The following DYM variants were observed in gnomAD, a reference collection of about 807,000 sequenced individuals.
DYM encodes dyggve-Melchior-Clausen syndrome protein.
A neutral mutation model predicts 93.1 loss-of-function variants in DYM; 78 were observed. That is an observed-to-expected ratio of 0.84 (90% CI 0.70 to 1.01). DYM has a LOEUF of 1.01. Among genes scored for constraint, DYM ranks in the 50% least tolerant of loss-of-function variants. DYM has a pLI of 0.00. For synonymous variants in DYM, 321 were observed against 319.7 expected, an observed-to-expected ratio of 1.00 and a Z score of -0.04; for missense variants, 789 against 845.0, an observed-to-expected ratio of 0.93 and a Z score of 0.82.
chr18:49,438,606 C>T (rs1025385860), intron 1 of DYM, among the ~76,000 whole-genome samples: 1 of 152,124 alleles, frequency 6.6e-6, no homozygotes, highest in Non-Finnish European at 1.5e-5. Flanking sequence ...CTAACAGAAG[C>T]TTGGCTAGTG....
chr18:49,318,049 C>T (rs1450509213), intron 8 of DYM, among the ~76,000 whole-genome samples: 1 of 152,124 alleles, frequency 6.6e-6, no homozygotes, highest in Non-Finnish European at 1.5e-5. Context: ...CACTCTAATT[C>T]TCTACTCCAT....
chr18:49,144,048 A>G (rs183835073), intron 15 of DYM, among the ~76,000 whole-genome samples: 21 of 152,214 alleles, frequency 1.4e-4, no homozygotes, highest in African/African-American at 4.8e-4. Context: ...CCAGTGCTCA[A>G]CTTTCTAATT....
intron 2 of DYM, among the ~76,000 whole-genome samples, chr18:49,424,949 G>A (rs1396069921): frequency 7.9e-5 from 12 of 152,032 alleles, no homozygotes; most frequent in African/African-American, 1.2e-4. Flanking sequence ...AATCAATATC[G>A]TGAAAATGGC....
intron 13 of DYM, among the ~76,000 whole-genome samples, chr18:49,238,617 A>G (rs1329129772): frequency 1.3e-5 from 2 of 152,072 alleles, no homozygotes; most frequent in South Asian, 2.1e-4. Flanking sequence ...AACAAAAAAG[A>G]TGTTTTCTTT....
intron 14 of DYM, among the ~76,000 whole-genome samples, chr18:49,185,423 T>C (rs1459909612): frequency 6.6e-6 from 1 of 152,202 alleles, no homozygotes; most frequent in Admixed American, 6.5e-5. Context: ...TGTCTACTTA[T>C]GAAAAGTAAG....
chr18:49,275,629 C>A (rs895362844), intron 10 of DYM, among the ~76,000 whole-genome samples: 4 of 152,090 alleles, frequency 2.6e-5, no homozygotes, highest in Non-Finnish European at 5.9e-5. Context: ...GTAATCCCAG[C>A]ACTTTAGGAG....
chr18:49,285,325 C>G (rs3794822), intron 9 of DYM, among the ~76,000 whole-genome samples: 14,273 of 152,084 alleles, frequency 0.094, 867 homozygotes, highest in East Asian at 0.31. Context: ...ATGGCACAGC[C>G]CATCAGAAGG....
intron 8 of DYM, among the ~76,000 whole-genome samples, chr18:49,308,229 A>C (rs2061383269): frequency 1.3e-5 from 2 of 152,084 alleles, no homozygotes; most frequent in Non-Finnish European, 2.9e-5. Flanking sequence ...CAGAACTCTG[A>C]ATGCTCTTTA....
chr18:49,184,432 AGTAG>A (rs1375364709), intron 14 of DYM, among the ~76,000 whole-genome samples: 2 of 152,190 alleles, frequency 1.3e-5, no homozygotes, highest in African/African-American at 2.4e-5. Context: ...TTACTGAGGT[AGTAG>A]AGAAGTGCAA....
rs547338829 is a variant in DYM at position 49,422,672 on chromosome 18, A to C, written c.140+7583T>G. 5.7e-3 allele frequency among the ~76,000 whole-genome samples: 873 copies of C among 152,254 alleles called. 2 individuals carry two copies. The highest frequency in any genetic ancestry group is 0.015 in the South Asian group (72 of 4,820). On this transcript the variant is annotated intron_variant, in intron 2 of 17. Transcript: ENST00000675505. ...AACCCATCTCACGTGCAGAGACACA[A>C]ATAGGCTCAAAATAAAGGGATGGAG...
At chr18:49,167,680 G>A (rs1274601671) in intron 14 of DYM, among the ~76,000 whole-genome samples, 1 of 152,000 alleles carries the variant, frequency 6.6e-6, no homozygotes, top group Non-Finnish European at 1.5e-5. Flanking sequence ...TCAGAATAAG[G>A]AATAAAGATA....
At chr18:49,075,119 G>C (rs1001335545) in intron 17 of DYM, among the ~76,000 whole-genome samples, 1 of 152,132 alleles carries the variant, frequency 6.6e-6, no homozygotes, top group East Asian at 1.9e-4. Context: ...GAACAGAGAC[G>C]AACAGCATAG....
At chr18:49,176,289 C>T (rs545354947) in intron 14 of DYM, among the ~76,000 whole-genome samples, 155 of 152,156 alleles carry the variant, frequency 1.0e-3, no homozygotes, top group African/African-American at 3.3e-3. Context: ...GGTAACTATA[C>T]TACCAAATTT....
chr18:49,272,684 C>T (rs2145549870), intron 10 of DYM, among the ~76,000 whole-genome samples: 1 of 152,214 alleles, frequency 6.6e-6, no homozygotes, highest in Admixed American at 6.5e-5. Context: ...AATTTATGTG[C>T]TTAGCACCAC....
At chr18:49,459,145 A>G (rs2083262546) in intron 1 of DYM, among the ~76,000 whole-genome samples, 1 of 152,180 alleles carries the variant, frequency 6.6e-6, no homozygotes, top group Non-Finnish European at 1.5e-5. Context: ...TCTCCTTCCT[A>G]TTAACATTGC....
intron 14 of DYM, among the ~76,000 whole-genome samples, chr18:49,184,542 G>T (rs2090253976): frequency 6.6e-6 from 1 of 152,068 alleles, no homozygotes; most frequent in Admixed American, 6.5e-5. Flanking sequence ...ACCCCCAGTG[G>T]ATTCCCAAAA....
intron 13 of DYM, among the ~76,000 whole-genome samples, chr18:49,216,752 G>A (rs943761206): frequency 2.0e-5 from 3 of 152,086 alleles, no homozygotes. Flanking sequence ...AAACCCATCT[G>A]TACATCACCA....
At chr18:49,364,847 C>T (rs138966885) in intron 5 of DYM, among the ~76,000 whole-genome samples, 2 of 152,250 alleles carry the variant, frequency 1.3e-5, no homozygotes, top group East Asian at 3.9e-4. Context: ...TTAAAAAGCC[C>T]ATCTGTATCC....
intron 5 of DYM, among the ~76,000 whole-genome samples, chr18:49,375,380 C>T (rs576031478): frequency 1.6e-3 from 240 of 151,974 alleles, no homozygotes; most frequent in African/African-American, 5.6e-3. Flanking sequence ...TAACTTGGTA[C>T]AGTATCTGAA....
Sources: allele counts gnomAD v4.1 joint callset (sites outside exome capture counted in the v4.1 genomes callset), GRCh38; gene constraint gnomAD v4.1.1; transcripts MANE v1.5; gene names NCBI Gene and HGNC (gene_info 2026-07-23, HGNC 2026-07-21).